The following MYOZ3 variants were observed in gnomAD, a reference collection of about 807,000 sequenced individuals.
MYOZ3 encodes the protein myozenin-3.
Under a neutral mutation model 26.5 loss-of-function variants are expected in MYOZ3, and 19 were observed. The observed-to-expected ratio is 0.72, with a 90% CI of 0.50 to 1.05. The LOEUF (loss-of-function observed/expected upper bound fraction) is 1.05, where lower values mean the gene tolerates loss of function less well. Among genes scored for constraint, MYOZ3 ranks in the 50% least tolerant of loss-of-function variants. The pLI, the probability that MYOZ3 is intolerant of heterozygous loss-of-function variation, is 0.00. For missense variants in MYOZ3, 322 were observed against 337.1 expected (o/e 0.96, Z 0.35); for synonymous variants, 135 against 138.8 (o/e 0.97, Z 0.19).
chr5:150,665,386 G>A (rs951287486), intron 2 of MYOZ3, among the ~76,000 whole-genome samples: 3 of 152,160 alleles, frequency 2.0e-5, no homozygotes, highest in Admixed American at 1.3e-4. Context: ...TCCACTGGCA[G>A]TTCTCTGTAG....
chr5:150,665,413 C>A (rs1017008416), intron 2 of MYOZ3, among the ~76,000 whole-genome samples: 2 of 152,244 alleles, frequency 1.3e-5, no homozygotes, highest in Non-Finnish European at 2.9e-5. Context: ...GTGGTGTGAA[C>A]TCTTAGCCAC....
rs144236721 is a variant in MYOZ3 at position 150,667,689 on chromosome 5, A to G, written c.62-2795A>G. Among the ~76,000 whole-genome samples, 333 of 152,350 alleles carry G rather than the reference A, an allele frequency of 2.2e-3. 1 individual carries two copies. The highest frequency in any genetic ancestry group is 7.8e-3 in the African/African-American group (326 of 41,580). ...TAGCTGTCTGTAGCCAGGATCCTTT[A>G]AAGCCCAACTCTTCCAAGCAGTTGT... On this transcript the variant is annotated intron_variant, in intron 2 of 6. Transcript: ENST00000517768.
At chr5:150,671,977 G>A (rs1243976186) in intron 5 of MYOZ3, 69 bp downstream of exon 5, 3 of 1,457,366 alleles carry the variant, frequency 2.1e-6, no homozygotes, top group African/African-American at 2.8e-5. Context: ...TCCCCATGGG[G>A]CAGGAAGAGC....
intron 2 of MYOZ3, among the ~76,000 whole-genome samples, chr5:150,663,908 G>A (rs761225618): frequency 6.6e-6 from 1 of 151,322 alleles, no homozygotes; most frequent in Admixed American, 6.6e-5. Context: ...CAAGAGGATC[G>A]TTTGAGCCTA....
rs1371886911 is a variant in MYOZ3 at position 150,671,809 on chromosome 5, T to C, written c.325T>C (p.Phe109Leu). 1.2e-6 allele frequency: 2 copies of C among 1,612,632 alleles called. No individual in the cohort carries two copies. Among genetic ancestry groups the C allele is most frequent in the East Asian group, 2.2e-5 (1 of 44,872 alleles). ...GAACTACCGCTCGGAGCTCCACATC[T>C]TCCCGGCCTCACCCGGGGCCTCACT... Reference protein sequence around the residue: ...GPNYRSELHIFPASPGASLGG... With the variant: ...GPNYRSELHILPASPGASLGG... The change falls in exon 5 of 7, where the codon TTC becomes CTC. Residue 109 changes from phenylalanine (F) to leucine (L), a missense_variant. Physicochemically the swap from Phe to Leu is conservative, Grantham distance 22 (BLOSUM62 0). Transcript: ENST00000517768.
At chr5:150,663,549 C>G (rs569854414) in intron 2 of MYOZ3, among the ~76,000 whole-genome samples, 1 of 152,276 alleles carries the variant, frequency 6.6e-6, no homozygotes, top group South Asian at 2.1e-4. Context: ...CTACTTAAAG[C>G]TGATTCATCA....
Position 150,672,523 on chromosome 5 carries a change from CG to C in MYOZ3, c.587+26del, listed in dbSNP as rs59045690. On this transcript the variant is annotated intron_variant, in intron 6 of 6. Coordinates refer to ENST00000517768, the MANE Select transcript of MYOZ3 (RefSeq NM_001122853.3). ...AACAAGTAAGGCGGGGCGGGCAGCC[CG>C]GGGGACAGACCGGGAGGGGCGGGAA... 31,237 of 1,510,170 alleles carry C rather than the reference CG, an allele frequency of 0.021. 3,610 individuals are homozygous for C. In the African/African-American group the frequency reaches 0.3, roughly 14 times the overall value. The allele number at this position is 1,510,170 out of a possible 1,614,324, so 93.5% of individuals were successfully genotyped here.
intron 5 of MYOZ3, chr5:150,672,130 C>G: frequency 2.9e-6 from 3 of 1,029,494 alleles, no homozygotes; most frequent in Non-Finnish European, 4.4e-6. Context: ...GCTGCGAACT[C>G]GTGGCTTCCT....
chr5:150,672,296 G>A (rs1442670635), intron 5 of MYOZ3, 44 bp from the exon 6 acceptor site: 3 of 1,556,104 alleles, frequency 1.9e-6, no homozygotes, highest in African/African-American at 2.7e-5. Flanking sequence ...GTTGGGGGCT[G>A]AGGGTGGAAG....
chr5:150,675,226 T>TTGTGTGCGTGTGTGTGTGTGTGTGTG lies in MYOZ3; in HGVS notation c.588-1475_588-1474insCGTGTGTGTGTGTGTGTGTGTGTGTG, dbSNP rs765864243. On this transcript the variant is annotated intron_variant, in intron 6 of 6. Transcript: ENST00000517768. ...TGCATGCCTGTAGGGGGAATGGCGT[T>TTGTGTGCGTGTGTGTGTGTGTGTGTG]TGTGTGTGTGTGGGGGTGTGTGTGT... 9.5e-3 allele frequency among the ~76,000 whole-genome samples: 1,441 copies of TTGTGTGCGTGTGTGTGTGTGTGTGTG among 151,434 alleles called. 32 individuals are homozygous for TTGTGTGCGTGTGTGTGTGTGTGTGTG. The highest frequency in any genetic ancestry group is 0.033 in the African/African-American group (1,366 of 40,912).
At chr5:150,675,953 C>T (rs1758999010) in intron 6 of MYOZ3, among the ~76,000 whole-genome samples, 1 of 152,234 alleles carries the variant, frequency 6.6e-6, no homozygotes, top group African/African-American at 2.4e-5. Context: ...TTTTCCCCCG[C>T]CATCTCACCA....
chr5:150,674,773 G>C (rs1346187298), intron 6 of MYOZ3, among the ~76,000 whole-genome samples: 2 of 152,236 alleles, frequency 1.3e-5, no homozygotes, highest in African/African-American at 4.8e-5. Context: ...ACTTTGGGAG[G>C]CCGAGGGAGG....
At position 150,671,611 on chromosome 5, in the gene MYOZ3, C is replaced by A; in HGVS notation, c.231C>A (p.Ser77Arg). The stretch of plus-strand genomic sequence containing the variant: ...CTCGTTCCCAGATGCTGGCCGGAAG[C>A]GCCAGGAGGAAGGTGACTGGAACAG... The part of the protein sequence containing the change: ...AASQRAMLAG[S>R]ARRKVTGTAE... The change falls in exon 4 of 7, where the codon AGC becomes AGA. Residue 77 changes from serine (S) to arginine (R), a missense_variant. Transcript: ENST00000517768. The A allele has an allele frequency of 6.2e-7, 1 of 1,613,788 alleles. No homozygotes were observed. Among genetic ancestry groups the A allele is most frequent in the Non-Finnish European group, 8.5e-7 (1 of 1,179,890 alleles).
chr5:150,665,381 T>A (rs1758792476), intron 2 of MYOZ3, among the ~76,000 whole-genome samples: 1 of 152,186 alleles, frequency 6.6e-6, no homozygotes, highest in South Asian at 2.1e-4. Context: ...TCCATTCCAC[T>A]GGCAGTTCTC....
chr5:150,672,743 G>A, intron 6 of MYOZ3: 1 of 497,452 alleles, frequency 2.0e-6, no homozygotes, highest in Non-Finnish European at 3.5e-6. Context: ...AGGACATGGT[G>A]GGCGGGTGCT....
chr5:150,671,465 C>T (rs1758907908), intron 3 of MYOZ3, 132 bp from the exon 4 acceptor site: 3 of 892,808 alleles, frequency 3.4e-6, no homozygotes, highest in Admixed American at 2.2e-5. Context: ...AAACTAGTAA[C>T]TCATCCTTGT....
chr5:150,667,480 T>A (rs1758827744), intron 2 of MYOZ3, among the ~76,000 whole-genome samples: 2 of 152,350 alleles, frequency 1.3e-5, no homozygotes, highest in South Asian at 4.1e-4. Flanking sequence ...TCCTCATACC[T>A]GCCTGGTGCC....
In MYOZ3 at chr5:150,672,330, G is replaced by A. The variant is rs775245679; in HGVS notation, c.425-10G>A. The stretch of plus-strand genomic sequence containing the variant: ...AGAACGGAGGCGCTCCCTTCCCCCC[G>A]CGCCCCTAGGCTATGCGGAGCCGCT... On this transcript the variant is annotated splice_polypyrimidine_tract_variant and intron_variant, in intron 5 of 6. Transcript: ENST00000517768. The A allele has an allele frequency of 5.7e-6, 9 of 1,592,120 alleles. No individual in the cohort carries two copies. The highest frequency in any genetic ancestry group is 7.7e-6 in the Non-Finnish European group (9 of 1,170,016).
chr5:150,666,684 T>C (rs1758816155), intron 2 of MYOZ3, among the ~76,000 whole-genome samples: 1 of 148,504 alleles, frequency 6.7e-6, no homozygotes, highest in Non-Finnish European at 1.5e-5. Flanking sequence ...TTATATAATA[T>C]ATAATATAAA....
Sources: gnomAD v4.1 joint callset for allele counts (sites outside exome capture counted in the v4.1 genomes callset) on GRCh38, gnomAD v4.1.1 for gene constraint, MANE v1.5 for transcripts, NCBI Gene and HGNC (gene_info 2026-07-23, HGNC 2026-07-21) for gene names.